Variants in EPAS1 observed in about 807,000 individuals in gnomAD.
The protein encoded by EPAS1 is endothelial PAS domain protein 1.
Under a neutral mutation model 87.9 loss-of-function variants are expected in EPAS1, and 23 were observed. The observed-to-expected ratio is 0.26, with a 90% CI of 0.19 to 0.37. EPAS1 has a LOEUF of 0.37. Ranked by LOEUF, EPAS1 falls within the 10% of genes least tolerant of loss-of-function variation. EPAS1 has a pLI of 1.00. For missense variants in EPAS1, 1,138 were observed against 1,120.7 expected (o/e 1.02, Z -0.22); for synonymous variants, 508 against 444.3 (o/e 1.14, Z -1.80).
chr2:46,326,737 G>C (rs1277570137), intron 1 of EPAS1, among the ~76,000 whole-genome samples: 1 of 152,170 alleles, frequency 6.6e-6, no homozygotes, highest in Non-Finnish European at 1.5e-5. Flanking sequence ...AGGAAATATA[G>C]TCTAGTGGGG....
At chr2:46,356,427 G>T in intron 3 of EPAS1, 125 bp downstream of exon 3, 1 of 1,277,344 alleles carries the variant, frequency 7.8e-7, no homozygotes, top group Non-Finnish European at 1.1e-6. Context: ...GACCCTCGCT[G>T]ACCTCAGGCC....
At chr2:46,370,406 C>A (rs750878512) in intron 7 of EPAS1, among the ~76,000 whole-genome samples, 29 of 152,160 alleles carry the variant, frequency 1.9e-4, no homozygotes, top group Non-Finnish European at 1.0e-4. Flanking sequence ...CTTGAAGGAT[C>A]GGGGAGGCTT....
chr2:46,367,464 A>AG (rs1352968165), intron 6 of EPAS1, among the ~76,000 whole-genome samples: 2 of 152,254 alleles, frequency 1.3e-5, no homozygotes, highest in African/African-American at 4.8e-5. Flanking sequence ...TAAGCTTGAA[A>AG]GTCATCCGAC....
intron 1 of EPAS1, among the ~76,000 whole-genome samples, chr2:46,332,579 G>T (rs753729559): frequency 6.6e-6 from 1 of 152,136 alleles, no homozygotes; most frequent in African/African-American, 2.4e-5. Flanking sequence ...TGGGCTAATG[G>T]ACAGTGTTTT....
chr2:46,376,295 C>T (rs1277110978), intron 8 of EPAS1, among the ~76,000 whole-genome samples: 20 of 152,168 alleles, frequency 1.3e-4, no homozygotes, highest in Admixed American at 1.2e-3. Context: ...TACCACCCCA[C>T]TCAAGTGCAA....
chr2:46,308,032 C>A (rs143732499), intron 1 of EPAS1, among the ~76,000 whole-genome samples: 5 of 152,226 alleles, frequency 3.3e-5, no homozygotes, highest in Admixed American at 1.3e-4. Flanking sequence ...GCAAGGGACC[C>A]CACCTCACCT....
At chr2:46,301,373 A>C (rs1682992920) in intron 1 of EPAS1, among the ~76,000 whole-genome samples, 1 of 152,128 alleles carries the variant, frequency 6.6e-6, no homozygotes, top group Non-Finnish European at 1.5e-5. Context: ...TCAGGAGTTC[A>C]AGACCAGCCT....
At position 46,382,192 on chromosome 2, in the gene EPAS1, C is replaced by T; in HGVS notation, c.2287+103C>T. 3 of 1,173,544 alleles carry T rather than the reference C, an allele frequency of 2.6e-6. No individual in the cohort carries two copies. In the East Asian group the frequency reaches 7.6e-5, roughly 30 times the overall value. 72.7% of individuals were successfully genotyped at this position (1,173,544 alleles called of 1,614,324 possible). A position where few individuals can be genotyped will look rare whatever the true frequency, so the allele number is the denominator to read the frequency against. On this transcript the variant is annotated intron_variant, in intron 14 of 15. Coordinates refer to ENST00000263734, the MANE Select transcript of EPAS1 (RefSeq NM_001430.5). ...TCCATTCACCACAGGCCGTACCTGC[C>T]TCTCTGAGCCTTGTTAGAATGGGGC...
intron 1 of EPAS1, among the ~76,000 whole-genome samples, chr2:46,302,171 G>GGGA (rs372000976): frequency 1.4e-5 from 2 of 144,792 alleles, no homozygotes; most frequent in South Asian, 4.6e-4. Flanking sequence ...GGGGGGGGGG[G>GGGA]CAGTGGTGAT....
chr2:46,350,660 AGGGT>A lies in EPAS1; in HGVS notation c.217+3598_217+3601del, dbSNP rs578110677. Among the ~76,000 whole-genome samples the A allele has an allele frequency of 4.2e-4, 64 of 152,382 alleles. 1 individual carries two copies. In the East Asian group the frequency reaches 9.1e-3, roughly 22 times the overall value. ...GAGCCCCACAAACCATGAGCGAATC[AGGGT>A]CAACTCTGCATTCTGAGGGCATTAA... On this transcript the variant is annotated intron_variant, in intron 2 of 15. Coordinates refer to ENST00000263734, the MANE Select transcript of EPAS1 (RefSeq NM_001430.5).
At chr2:46,333,636 G>A (rs1158062936) in intron 1 of EPAS1, among the ~76,000 whole-genome samples, 2 of 152,120 alleles carry the variant, frequency 1.3e-5, no homozygotes, top group East Asian at 1.9e-4. Context: ...TGGAGTAAGC[G>A]TGGAGCTACA....
chr2:46,307,517 G>T (rs765551869), intron 1 of EPAS1, among the ~76,000 whole-genome samples: 5 of 152,168 alleles, frequency 3.3e-5, no homozygotes, highest in Non-Finnish European at 7.4e-5. Context: ...TGGGGCATGG[G>T]AGTTGAGGCT....
Position 46,380,504 on chromosome 2 carries a change from C to A in EPAS1, c.1832C>A (p.Ala611Asp), listed in dbSNP as rs868750204. ...CCCATGTCCTCCATCTTCTTTGATG[C>A]CGGAAGCAAAGCATCCCTGCCACCG... ...HRPMSSIFFD[A>D]GSKASLPPCC... Residue 611 changes from alanine (A) to aspartate (D), a missense_variant, in exon 12 of 16, where the codon GCC (alanine) becomes GAC (aspartate). Transcript: ENST00000263734. This position sits in a 1 kb window ranked among gnomAD's most constrained non-coding sequence, Gnocchi z 4.4. 1 of 1,614,196 alleles carries A rather than the reference C, an allele frequency of 6.2e-7. No individual in the cohort carries two copies. Among genetic ancestry groups the A allele is most frequent in the Non-Finnish European group, 8.5e-7 (1 of 1,180,036 alleles).
At chr2:46,315,459 A>G (rs1226277489) in intron 1 of EPAS1, among the ~76,000 whole-genome samples, 1 of 152,234 alleles carries the variant, frequency 6.6e-6, no homozygotes, top group African/African-American at 2.4e-5. Flanking sequence ...CACATCAGGT[A>G]CATCAAGTTC....
chr2:46,354,560 G>A (rs1462042339), intron 2 of EPAS1, among the ~76,000 whole-genome samples: 2 of 150,518 alleles, frequency 1.3e-5, no homozygotes, highest in Non-Finnish European at 3.0e-5. Context: ...AGGTATACTA[G>A]ATAGGGCAGG....
intron 7 of EPAS1, among the ~76,000 whole-genome samples, chr2:46,374,841 A>G (rs1261779704): frequency 6.6e-6 from 1 of 152,236 alleles, no homozygotes; most frequent in Non-Finnish European, 1.5e-5. Context: ...CCCTTCCCCA[A>G]GGTAGACAAC....
At chr2:46,330,320 GCTGT>G (rs1210883821) in intron 1 of EPAS1, among the ~76,000 whole-genome samples, 1 of 152,136 alleles carries the variant, frequency 6.6e-6, no homozygotes, top group Non-Finnish European at 1.5e-5. Context: ...CATAGCACAG[GCTGT>G]CTTTTTCTCT....
chr2:46,376,709 A>G lies in EPAS1; in HGVS notation c.1205A>G (p.Gln402Arg). The G allele has an allele frequency of 6.2e-7, 1 of 1,613,290 alleles. No homozygotes were observed. The highest frequency in any genetic ancestry group is 8.5e-7 in the Non-Finnish European group (1 of 1,179,978). The change falls in exon 9 of 16, where the codon CAG (glutamine) becomes CGG (arginine). Residue 402 changes from glutamine (Q) to arginine (R), a missense_variant. Physicochemically the swap from Gln to Arg is conservative, Grantham distance 43. Coordinates refer to ENST00000263734, the MANE Select transcript of EPAS1 (RefSeq NM_001430.5). Reference sequence around the variant, plus strand: ...AAGGAGGAGCCCGAGGAGCTGGCCCAGCTGGCTCCCACCCCAGGAGACGCC... The same window carrying G: ...AAGGAGGAGCCCGAGGAGCTGGCCCGGCTGGCTCCCACCCCAGGAGACGCC... Reference protein sequence around the residue: ...KLKEEPEELAQLAPTPGDAII... With the variant: ...KLKEEPEELARLAPTPGDAII...
intron 6 of EPAS1, among the ~76,000 whole-genome samples, chr2:46,367,895 CTGTG>C (rs372202131): frequency 6.6e-6 from 1 of 151,502 alleles, no homozygotes; most frequent in Non-Finnish European, 1.5e-5. Context: ...ATGACAGGTT[CTGTG>C]TGTGTGTGTG....
Sources: gnomAD v4.1 joint callset for allele counts (sites outside exome capture counted in the v4.1 genomes callset) on GRCh38, gnomAD v4.1.1 for gene constraint, Gnocchi (gnomAD v3.1) non-coding constraint, MANE v1.5 for transcripts, NCBI Gene and HGNC (gene_info 2026-07-23, HGNC 2026-07-21) for gene names.